Variants in NOTCH1 observed in about 807,000 individuals in gnomAD.
The protein encoded by NOTCH1 is neurogenic locus notch homolog protein 1.
In NOTCH1, 37 loss-of-function variants were observed where a neutral mutation model predicts 254.8. The observed-to-expected ratio is 0.15, with a 90% CI of 0.11 to 0.19. NOTCH1 has a LOEUF of 0.19. Among genes scored for constraint, NOTCH1 ranks in the 10% least tolerant of loss-of-function variants. The pLI is 1.00. For synonymous variants in NOTCH1, 1,731 were observed against 1,618.1 expected, an observed-to-expected ratio of 1.07 and a Z score of -1.68; for missense variants, 2,972 against 3,708.6, an observed-to-expected ratio of 0.80 and a Z score of 5.16.
chr9:136,539,487 C>G (rs1843701472), intron 2 of NOTCH1, among the ~76,000 whole-genome samples: 1 of 152,196 alleles, frequency 6.6e-6, no homozygotes, highest in Non-Finnish European at 1.5e-5. Context: ...CTCCTGGGTT[C>G]AAAGGATCCT....
chr9:136,508,835 C>G, intron 19 of NOTCH1, 35 bp downstream of exon 19: 3 of 1,527,136 alleles, frequency 2.0e-6, no homozygotes, highest in Non-Finnish European at 1.8e-6. Context: ...ACCCAGGGCC[C>G]CTCCTTCGGG....
At chr9:136,521,478 G>T (rs1016640439) in intron 4 of NOTCH1, among the ~76,000 whole-genome samples, 1 of 152,116 alleles carries the variant, frequency 6.6e-6, no homozygotes, top group Non-Finnish European at 1.5e-5. Context: ...TGCCCAAGGC[G>T]GGTGGGCATC....
chr9:136,518,846 G>A (rs759339920), intron 5 of NOTCH1, 22 bp from the exon 6 acceptor site: 26 of 1,602,508 alleles, frequency 1.6e-5, no homozygotes, highest in Non-Finnish European at 2.0e-5. Flanking sequence ...AGGAGCTGTC[G>A]GCCCCGGGCA....
intron 9 of NOTCH1, among the ~76,000 whole-genome samples, chr9:136,516,838 C>T (rs1187459772): frequency 6.6e-6 from 1 of 152,180 alleles, no homozygotes; most frequent in Non-Finnish European, 1.5e-5. Flanking sequence ...TCGGGGAAGT[C>T]TGAAAACACT....
chr9:136,507,896 G>T (rs1253753578), intron 21 of NOTCH1, 59 bp downstream of exon 21: 2 of 1,565,294 alleles, frequency 1.3e-6, no homozygotes, highest in African/African-American at 1.3e-5. Context: ...CCCAGCCAGG[G>T]CCTGGTGTGT....
chr9:136,519,747 G>C (rs1419491776), intron 4 of NOTCH1, 182 bp from the exon 5 acceptor site: 2 of 790,408 alleles, frequency 2.5e-6, no homozygotes, highest in Non-Finnish European at 4.3e-6. Context: ...CTGCTTGAAA[G>C]AATCATTTTG....
In NOTCH1 at chr9:136,540,860, GC is replaced by G. The variant is rs1843723022; in HGVS notation, c.140+3163del. On this transcript the variant is annotated intron_variant, in intron 2 of 33. Coordinates refer to ENST00000651671, the MANE Select transcript of NOTCH1 (RefSeq NM_017617.5). The surrounding 1 kb of genome is among the most constrained non-coding windows in gnomAD (Gnocchi z 4.4). The stretch of plus-strand genomic sequence containing the variant: ...GCCGTCAGCAGCCAACATCTTAGCT[GC>G]CCCCTGCCTCAACGCCCAGCCCAGA... Among the ~76,000 whole-genome samples, 1 of 152,032 alleles carries G rather than the reference GC, an allele frequency of 6.6e-6. No homozygotes were observed. The highest frequency in any genetic ancestry group is 1.5e-5 in the Non-Finnish European group (1 of 67,996).
chr9:136,526,100 C>T (rs768024433), intron 2 of NOTCH1, among the ~76,000 whole-genome samples: 2 of 152,232 alleles, frequency 1.3e-5, no homozygotes, highest in Admixed American at 1.3e-4. Flanking sequence ...CCGGTCACTC[C>T]GGGGCTGCAG....
At chr9:136,532,025 C>T (rs1843570241) in intron 2 of NOTCH1, among the ~76,000 whole-genome samples, 1 of 152,226 alleles carries the variant, frequency 6.6e-6, no homozygotes, top group African/African-American at 2.4e-5. Context: ...CCTGGCACCC[C>T]CTCAGAGCCT....
chr9:136,507,070 C>T, intron 22 of NOTCH1, 97 bp from the exon 23 acceptor site: 1 of 1,533,028 alleles, frequency 6.5e-7, no homozygotes, highest in Non-Finnish European at 8.8e-7. Context: ...AGGTCTGGGG[C>T]TGCACGGACA....
rs747864683 is a variant in NOTCH1 at position 136,518,177 on chromosome 9, C to A, written c.1215G>T (p.Thr405=). ...KAICTCPSGY[T]GPACSQDVDE... is the part of the protein sequence containing the mutation. The stretch of plus-strand genomic sequence containing the variant: ...CCACGTCCTGGCTGCAGGCCGGGCC[C>A]GTGTACCCCGAGGGGCAGGTGCAGA... The change falls in exon 7 of 34, where the codon ACG becomes ACT. Residue 405 remains threonine (T), a synonymous_variant. Transcript: ENST00000651671. 1 of 1,600,376 alleles carries A rather than the reference C, an allele frequency of 6.2e-7. No individual in the cohort carries two copies. The highest frequency in any genetic ancestry group is 8.5e-7 in the Non-Finnish European group (1 of 1,173,958).
At chr9:136,503,138 C>A (rs776895850) in intron 27 of NOTCH1, 44 bp downstream of exon 27, 5 of 1,600,122 alleles carry the variant, frequency 3.1e-6, no homozygotes, top group African/African-American at 1.3e-5. Flanking sequence ...GGGGATGGCA[C>A]CCCCTGCAGG....
intron 2 of NOTCH1, among the ~76,000 whole-genome samples, chr9:136,533,442 G>C (rs1259972196): frequency 6.6e-6 from 1 of 152,236 alleles, no homozygotes; most frequent in African/African-American, 2.4e-5. Context: ...AGCGGAACTT[G>C]GGGGGCCCCA....
chr9:136,525,948 C>G (rs1028536687), intron 2 of NOTCH1, among the ~76,000 whole-genome samples: 1 of 152,286 alleles, frequency 6.6e-6, no homozygotes, highest in Non-Finnish European at 1.5e-5. Context: ...AAGTCCCAAA[C>G]CAACTGGCTT....
intron 8 of NOTCH1, 125 bp from the exon 9 acceptor site, chr9:136,517,510 T>C: frequency 2.4e-6 from 2 of 827,896 alleles, no homozygotes; most frequent in East Asian, 2.7e-5. Flanking sequence ...ACGGGCCCCC[T>C]GCGCACCCGC....
In NOTCH1 at chr9:136,496,492, T is replaced by TGTGGTG. The variant is rs762336270; in HGVS notation, c.7241_7246dup (p.Pro2414_Pro2415dup). 12 of 1,601,980 alleles carry TGTGGTG rather than the reference T, an allele frequency of 7.5e-6. No homozygotes were observed. The Admixed American group carries it at 2.0e-4, about 27-fold the overall frequency. ...TGCTGAGCTCACGCCAAGGTGCGGC[T>TGTGGTG]GTGGTGGTGGTGGTGGCGGCTGCAG... On this transcript the variant is annotated inframe_insertion, in exon 34 of 34. Coordinates refer to ENST00000651671, the MANE Select transcript of NOTCH1 (RefSeq NM_017617.5).
chr9:136,505,027 T>A lies in NOTCH1; in HGVS notation c.4664A>T (p.Glu1555Val), dbSNP rs781602537. The A allele has an allele frequency of 1.3e-5, 21 of 1,608,342 alleles. No homozygotes were observed. Among genetic ancestry groups the A allele is most frequent in the Non-Finnish European group, 1.7e-5 (20 of 1,178,476 alleles). ...CDQGCNSAECEWDGLDCAEHV... is the reference protein window; with the variant it reads ...CDQGCNSAECVWDGLDCAEHV... The stretch of plus-strand genomic sequence containing the variant: ...CTCCGCACAGTCCAGCCCGTCCCAC[T>A]CGCACTCCGCGCTGTTGCAGCCCTG... The change falls in exon 26 of 34, where the codon GAG (glutamate) becomes GTG (valine). Residue 1555 changes from glutamate (E) to valine (V), a missense_variant. Coordinates refer to ENST00000651671, the MANE Select transcript of NOTCH1 (RefSeq NM_017617.5).
At chr9:136,502,233 C>T (rs2133330613) in intron 28 of NOTCH1, 39 bp downstream of exon 28, 1 of 1,598,392 alleles carries the variant, frequency 6.3e-7, no homozygotes, top group Non-Finnish European at 8.5e-7. Context: ...GGTCCCACCT[C>T]CCACCGGGGA....
rs754998450 is a variant in NOTCH1, at chr9:136,506,937, G to A, written c.3680C>T (p.Pro1227Leu). ...HCEINVDDCN[P>L]PVDPVSRSPK... The stretch of plus-strand genomic sequence containing the variant: ...GCTCCGGGACACGGGGTCAACGGGG[G>A]GATTGCAGTCGTCCACGTTGATCTC... The change falls in exon 23 of 34, where the codon CCC becomes CTC. Residue 1227 changes from proline to leucine, a missense_variant. By Grantham distance (98) the Pro-to-Leu change is moderately conservative. Transcript: ENST00000651671. The surrounding 1 kb of genome is among the most constrained non-coding windows in gnomAD (Gnocchi z 4.5). 1.2e-6 allele frequency: 2 copies of A among 1,611,170 alleles called. No homozygotes were observed. Among genetic ancestry groups the A allele is most frequent in the South Asian group, 2.2e-5 (2 of 90,848 alleles).
Sources: allele counts gnomAD v4.1 joint callset (sites outside exome capture counted in the v4.1 genomes callset), GRCh38; gene constraint gnomAD v4.1.1; non-coding constraint Gnocchi (gnomAD v3.1); transcripts MANE v1.5; gene names NCBI Gene and HGNC (gene_info 2026-07-23, HGNC 2026-07-21).